SESN1: variants seen among roughly 807,000 people sequenced by gnomAD.
SESN1 encodes sestrin-1.
In SESN1, 30 loss-of-function variants were observed where a neutral mutation model predicts 59.3. The observed-to-expected ratio is 0.51, with a 90% CI of 0.38 to 0.69. SESN1 has a LOEUF of 0.69. Among genes scored for constraint, SESN1 ranks in the 30% least tolerant of loss-of-function variants. The pLI is 0.00. For synonymous variants in SESN1, 197 were observed against 219.9 expected (o/e 0.90, Z 0.92); for missense variants, 566 against 673.0 (o/e 0.84, Z 1.76).
rs2114493305 is a variant in SESN1, at chr6:109,094,576, A to T, written c.-503T>A. ...CCTCCGCAGCTCCTCCCAGCGCCTC[A>T]GCAGCCGGCCGGCGCCGGCAGGGAA... is the stretch of plus-strand genomic sequence containing the variant. On this transcript the variant is annotated 5_prime_UTR_variant, in exon 1 of 10. Coordinates refer to ENST00000436639, the MANE Select transcript of SESN1 (RefSeq NM_014454.3). 1 of 152,402 alleles carries T rather than the reference A, an allele frequency of 6.6e-6. No individual in the cohort carries two copies. The allele number at this position is 152,402 out of a possible 1,614,324, so 9.4% of individuals were successfully genotyped here.
chr6:109,045,264 C>T (rs1780409796), intron 1 of SESN1, among the ~76,000 whole-genome samples: 1 of 151,636 alleles, frequency 6.6e-6, no homozygotes, highest in Admixed American at 6.6e-5. Flanking sequence ...ACTCCCAACC[C>T]CATCAAAACA....
chr6:109,058,228 GCA>G (rs916479848), intron 1 of SESN1, among the ~76,000 whole-genome samples: 2 of 152,046 alleles, frequency 1.3e-5, no homozygotes, highest in Non-Finnish European at 2.9e-5. Context: ...GGACCTACAG[GCA>G]CACACCACCA....
At chr6:109,011,016 A>T (rs1439610144) in intron 1 of SESN1, among the ~76,000 whole-genome samples, 1 of 152,226 alleles carries the variant, frequency 6.6e-6, no homozygotes, top group African/African-American at 2.4e-5. Flanking sequence ...GTATGTGAAA[A>T]ATGATGACTC....
At chr6:109,019,985 G>GA (rs2114367917) in intron 1 of SESN1, among the ~76,000 whole-genome samples, 2 of 152,246 alleles carry the variant, frequency 1.3e-5, no homozygotes, top group East Asian at 3.9e-4. Flanking sequence ...AAAGATGCCA[G>GA]AAAAAAGTAT....
chr6:108,990,711 T>C lies in SESN1; in HGVS notation c.1358A>G (p.Lys453Arg). 6.2e-7 allele frequency: 1 copy of C among 1,614,150 alleles called. No individual in the cohort carries two copies. The highest frequency in any genetic ancestry group is 8.5e-7 in the Non-Finnish European group (1 of 1,180,006). ...NLTYNTMAMH[K>R]DVDTSMLRRA... ...TCTAAGCATTGAGGTATCAACATCT[T>C]TGTGCATTGCCATTGTATTATAAGT... The change falls in exon 8 of 10, where the codon AAA becomes AGA. Residue 453 changes from lysine (K) to arginine (R), a missense_variant. Physicochemically the swap from Lys to Arg is conservative, Grantham distance 26. Coordinates refer to ENST00000436639, the MANE Select transcript of SESN1 (RefSeq NM_014454.3).
intron 1 of SESN1, among the ~76,000 whole-genome samples, chr6:109,046,445 C>A (rs1220317963): frequency 6.7e-6 from 1 of 149,690 alleles, no homozygotes; most frequent in East Asian, 2.0e-4. Context: ...ACCTACACCT[C>A]CCAGCCGCCT....
chr6:108,988,454 G>A lies in SESN1; in HGVS notation c.1569+89C>T, dbSNP rs911917210. 5.8e-6 allele frequency: 7 copies of A among 1,208,840 alleles called. No homozygotes were observed. The African/African-American group carries it at 1.1e-4, about 19-fold the overall frequency. The allele number at this position is 1,208,840 out of a possible 1,614,324, so 74.9% of individuals were successfully genotyped here. A position where few individuals can be genotyped will look rare whatever the true frequency, so the allele number is the denominator to read the frequency against. On this transcript the variant is annotated intron_variant, in intron 9 of 9. Coordinates refer to ENST00000436639, the MANE Select transcript of SESN1 (RefSeq NM_014454.3). ...TTTTCTTTGGGTTGGTAGGGGTGATGGAAAGGGTTTCAGCACCATTAGGTT... is the reference window on the plus strand; with the variant it reads ...TTTTCTTTGGGTTGGTAGGGGTGATAGAAAGGGTTTCAGCACCATTAGGTT...
intron 1 of SESN1, among the ~76,000 whole-genome samples, chr6:109,023,424 CTG>C: frequency 6.6e-6 from 1 of 152,318 alleles, no homozygotes; most frequent in African/African-American, 2.4e-5. Flanking sequence ...CTAACAGTGA[CTG>C]TTAACCTCCA....
At chr6:109,027,476 CAAAAAAAAAAA>C (rs57225616) in intron 1 of SESN1, among the ~76,000 whole-genome samples, 8 of 27,328 alleles carry the variant, frequency 2.9e-4, no homozygotes, top group African/African-American at 8.6e-4. Context: ...GACTCTGTCT[CAAAAAAAAAAA>C]AAAAAAAAAA....
intron 1 of SESN1, among the ~76,000 whole-genome samples, chr6:109,046,319 G>A (rs1476388304): frequency 2.2e-4 from 34 of 151,812 alleles, no homozygotes; most frequent in African/African-American, 4.1e-4. Context: ...CCCTAACCGC[G>A]AGTGATCCGC....
intron 1 of SESN1, among the ~76,000 whole-genome samples, chr6:109,086,929 C>T (rs898858999): frequency 6.6e-6 from 1 of 152,010 alleles, no homozygotes; most frequent in Non-Finnish European, 1.5e-5. Context: ...GTCAGGAGTT[C>T]AAGACCAGCC....
chr6:109,048,936 T>A (rs1780496745), intron 1 of SESN1, among the ~76,000 whole-genome samples: 1 of 152,194 alleles, frequency 6.6e-6, no homozygotes, highest in African/African-American at 2.4e-5. Context: ...TAACAATGGT[T>A]TCCTTCTCTG....
intron 8 of SESN1, among the ~76,000 whole-genome samples, chr6:108,989,001 C>G (rs1329303158): frequency 6.6e-6 from 1 of 152,158 alleles, no homozygotes; most frequent in South Asian, 2.1e-4. Flanking sequence ...CGTAGCCACA[C>G]TGAGGAACAA....
At chr6:109,004,140 TCAGAG>T (rs1181211518) in intron 1 of SESN1, among the ~76,000 whole-genome samples, 1 of 151,078 alleles carries the variant, frequency 6.6e-6, no homozygotes, top group Non-Finnish European at 1.5e-5. Flanking sequence ...CCACAATAAA[TCAGAG>T]TTAAATGTAA....
At chr6:109,075,373 T>C (rs1781015540) in intron 1 of SESN1, among the ~76,000 whole-genome samples, 1 of 152,192 alleles carries the variant, frequency 6.6e-6, no homozygotes, top group South Asian at 2.1e-4. Context: ...TGGTTTCTAA[T>C]GAAGTGATTA....
chr6:109,070,562 G>A (rs990699890), intron 1 of SESN1, among the ~76,000 whole-genome samples: 2 of 152,096 alleles, frequency 1.3e-5, no homozygotes, highest in African/African-American at 4.8e-5. Context: ...AGTTGAAATG[G>A]GCTTATGAAA....
At chr6:109,021,410 T>C (rs1780008554) in intron 1 of SESN1, among the ~76,000 whole-genome samples, 1 of 152,190 alleles carries the variant, frequency 6.6e-6, no homozygotes, top group African/African-American at 2.4e-5. Context: ...GGGGAAAAGT[T>C]TGGAGACTAG....
At position 108,998,596 on chromosome 6, in the gene SESN1, C is replaced by T. The variant is rs553986577; in HGVS notation, c.889G>A (p.Val297Ile). Residue 297 changes from valine to isoleucine, a missense_variant, in exon 5 of 10, where the codon GTT becomes ATT. By Grantham distance (29) the Val-to-Ile change is conservative. Coordinates refer to ENST00000436639, the MANE Select transcript of SESN1 (RefSeq NM_014454.3). The part of the protein sequence containing the change: ...DGGHTFRPPS[V>I]SNYCICDITN... ...ATGTCACAGATGCAGTAGTTGCTAA[C>T]AGAAGGAGGTCTGAATGTGTGGCCA... The T allele has an allele frequency of 1.2e-6, 2 of 1,613,920 alleles. No individual in the cohort carries two copies. The highest frequency in any genetic ancestry group is 2.2e-5 in the South Asian group (2 of 91,076).
chr6:109,009,515 C>T, intron 1 of SESN1: 2 of 1,196,888 alleles, frequency 1.7e-6, no homozygotes, highest in South Asian at 3.9e-5. Context: ...GGGCAGCCGG[C>T]CGCGGCTCCT....
Sources: allele counts gnomAD v4.1 joint callset (sites outside exome capture counted in the v4.1 genomes callset), GRCh38; gene constraint gnomAD v4.1.1; transcripts MANE v1.5; gene names NCBI Gene and HGNC (gene_info 2026-07-23, HGNC 2026-07-21).